GRM7: variants seen among roughly 807,000 people sequenced by gnomAD.
The protein encoded by GRM7 is metabotropic glutamate receptor 7.
Under a neutral mutation model 84.5 loss-of-function variants are expected in GRM7, and 35 were observed. The observed-to-expected ratio is 0.41, with a 90% CI of 0.32 to 0.55. The LOEUF (loss-of-function observed/expected upper bound fraction) is 0.55, where lower values mean the gene tolerates loss of function less well. GRM7 is among the 20% of genes least tolerant of loss of function. The probability of loss-of-function intolerance (pLI) is 0.19; values close to 1 mark genes in which losing one functional copy is unlikely to be tolerated. For synonymous variants in GRM7, 487 were observed against 455.1 expected (o/e 1.07, Z -0.89); for missense variants, 1,003 against 1,194.6 (o/e 0.84, Z 2.36).
At chr3:7,165,613 A>G (rs2125083093) in intron 2 of GRM7, among the ~76,000 whole-genome samples, 1 of 152,330 alleles carries the variant, frequency 6.6e-6, no homozygotes, top group South Asian at 2.1e-4. Context: ...ACACTTAGCT[A>G]ATTCGATATC....
At chr3:7,306,890 C>G (rs1700213411) in intron 4 of GRM7, among the ~76,000 whole-genome samples, 1 of 152,128 alleles carries the variant, frequency 6.6e-6, no homozygotes, top group Admixed American at 6.5e-5. Context: ...AACATTCTTT[C>G]TTTTTCATTC....
At chr3:7,358,844 A>G (rs989934700) in intron 4 of GRM7, among the ~76,000 whole-genome samples, 1 of 152,082 alleles carries the variant, frequency 6.6e-6, no homozygotes. Flanking sequence ...CTGGACGGGC[A>G]CAGTGGCTCA....
rs568170352 is a variant in GRM7 at position 7,740,700 on chromosome 3, A to G, written c.*294A>G. 4.9e-4 allele frequency: 141 copies of G among 289,096 alleles called. 1 individual carries two copies. In the South Asian group the frequency reaches 9.4e-3, roughly 19 times the overall value. The allele number at this position is 289,096 out of a possible 1,614,324, so 17.9% of individuals were successfully genotyped here. A position where few individuals can be genotyped will look rare whatever the true frequency, so the allele number is the denominator to read the frequency against. On this transcript the variant is annotated 3_prime_UTR_variant, in exon 10 of 10. Transcript: ENST00000357716. ...GTCCCGCCCTGGCTCTTTAGAATGG[A>G]CCACTGAGAGCCACAGGACCGTTTT...
chr3:7,024,303 T>C (rs1206455265), intron 1 of GRM7, among the ~76,000 whole-genome samples: 4 of 152,170 alleles, frequency 2.6e-5, no homozygotes, highest in South Asian at 4.1e-4. Context: ...GGGTAATATA[T>C]GCCATCCTGC....
intron 1 of GRM7, among the ~76,000 whole-genome samples, chr3:6,989,366 A>G (rs971595562): frequency 3.3e-5 from 5 of 152,256 alleles, no homozygotes; most frequent in African/African-American, 4.8e-5. Context: ...TAAGCTTATA[A>G]ATGAGAAAAC....
chr3:7,029,814 G>C, intron 1 of GRM7, among the ~76,000 whole-genome samples: 1 of 152,138 alleles, frequency 6.6e-6, no homozygotes, highest in East Asian at 1.9e-4. Flanking sequence ...GTGCTAACAT[G>C]CTTAATACCA....
At chr3:7,541,371 A>G (rs779742) in intron 7 of GRM7, among the ~76,000 whole-genome samples, 58,992 of 151,938 alleles carry the variant, frequency 0.39, 12,560 homozygotes, top group East Asian at 0.55. Flanking sequence ...ATTTTATACC[A>G]CGCTTTGTTA....
At chr3:7,037,896 C>T (rs1200207574) in intron 1 of GRM7, among the ~76,000 whole-genome samples, 1 of 152,236 alleles carries the variant, frequency 6.6e-6, no homozygotes, top group Middle Eastern at 3.4e-3. Flanking sequence ...AAATAATAAA[C>T]TGAGATCTCA....
At chr3:7,542,124 T>C (rs972352210) in intron 7 of GRM7, among the ~76,000 whole-genome samples, 1 of 152,238 alleles carries the variant, frequency 6.6e-6, no homozygotes, top group African/African-American at 2.4e-5. Flanking sequence ...ATGACCTCAT[T>C]GTAACTGCAT....
At chr3:7,598,746 T>C (rs932523124) in intron 8 of GRM7, among the ~76,000 whole-genome samples, 1 of 152,192 alleles carries the variant, frequency 6.6e-6, no homozygotes, top group African/African-American at 2.4e-5. Context: ...TGGGTACAGA[T>C]ACTTCTTGAC....
intron 2 of GRM7, among the ~76,000 whole-genome samples, chr3:7,269,585 G>A (rs566198132): frequency 5.3e-5 from 8 of 152,256 alleles, no homozygotes; most frequent in Admixed American, 3.9e-4. Context: ...TCCCAGCTAC[G>A]CCTCCTCTGA....
intron 4 of GRM7, among the ~76,000 whole-genome samples, chr3:7,400,135 A>G (rs1444015183): frequency 1.3e-5 from 2 of 152,200 alleles, no homozygotes; most frequent in Admixed American, 6.5e-5. Context: ...AGACTAGGAC[A>G]AAATATTGTG....
intron 4 of GRM7, among the ~76,000 whole-genome samples, chr3:7,393,331 T>A (rs113327568): frequency 1.5e-3 from 230 of 152,274 alleles, no homozygotes; most frequent in African/African-American, 4.4e-3. Context: ...ATCATCTCTG[T>A]GTGAGCTTCA....
intron 1 of GRM7, among the ~76,000 whole-genome samples, chr3:7,088,995 G>C (rs1018376802): frequency 1.3e-5 from 2 of 152,054 alleles, no homozygotes; most frequent in Non-Finnish European, 2.9e-5. Context: ...GAAAAGCCCA[G>C]TTTCTTCCAA....
chr3:6,961,944 T>C (rs1410344399), intron 1 of GRM7, among the ~76,000 whole-genome samples: 1 of 152,202 alleles, frequency 6.6e-6, no homozygotes, highest in South Asian at 2.1e-4. Flanking sequence ...ACAAACTTCC[T>C]ACAGCCAGGG....
intron 4 of GRM7, among the ~76,000 whole-genome samples, chr3:7,309,406 T>G: frequency 6.6e-6 from 1 of 152,208 alleles, no homozygotes; most frequent in East Asian, 1.9e-4. Flanking sequence ...TGTTTCCTTT[T>G]ATCTTTTTCC....
At chr3:7,573,598 C>A (rs2125048465) in intron 7 of GRM7, among the ~76,000 whole-genome samples, 1 of 152,342 alleles carries the variant, frequency 6.6e-6, no homozygotes, top group African/African-American at 2.4e-5. Context: ...ATTATAAGGT[C>A]TGCACATTCC....
rs114830763 is a variant in GRM7, at chr3:7,030,364, G to C, written c.520-116088G>C. Reference sequence around the variant, plus strand: ...TTGTGAGTATTCCAAAGAGCCCCTAGACACTTTTGGGGGTGGGAGATATGT... The same window carrying C: ...TTGTGAGTATTCCAAAGAGCCCCTACACACTTTTGGGGGTGGGAGATATGT... On this transcript the variant is annotated intron_variant, in intron 1 of 9. Coordinates refer to ENST00000357716, the MANE Select transcript of GRM7 (RefSeq NM_000844.4). 1.8e-3 allele frequency among the ~76,000 whole-genome samples: 275 copies of C among 152,242 alleles called. 1 individual carries two copies. Among genetic ancestry groups the C allele is most frequent in the African/African-American group, 6.4e-3 (267 of 41,536 alleles).
At chr3:7,584,406 A>G (rs553216370) in intron 8 of GRM7, among the ~76,000 whole-genome samples, 6 of 152,278 alleles carry the variant, frequency 3.9e-5, no homozygotes, top group Non-Finnish European at 8.8e-5. Flanking sequence ...TGAATTCTGC[A>G]TGGTCTTTCC....
Sources: gnomAD v4.1 joint callset for allele counts (sites outside exome capture counted in the v4.1 genomes callset) on GRCh38, gnomAD v4.1.1 for gene constraint, MANE v1.5 for transcripts, NCBI Gene and HGNC (gene_info 2026-07-23, HGNC 2026-07-21) for gene names.